Variants in CREBBP observed in about 807,000 individuals in gnomAD.
CREBBP encodes CREB-binding protein.
CREBBP carries 19 observed loss-of-function variants against 265.0 expected under a neutral mutation model. That is an observed-to-expected ratio of 0.07 (90% CI 0.05 to 0.11). The LOEUF is 0.11. Ranked by LOEUF, CREBBP falls within the 10% of genes least tolerant of loss-of-function variation. CREBBP has a pLI of 1.00. For synonymous variants in CREBBP, 1,457 were observed against 1,223.7 expected (o/e 1.19, Z -3.98); for missense variants, 2,525 against 3,219.0 (o/e 0.78, Z 5.22).
intron 28 of CREBBP, among the ~76,000 whole-genome samples, chr16:3,733,240 C>T (rs1414034950): frequency 1.3e-5 from 2 of 151,614 alleles, no homozygotes; most frequent in Non-Finnish European, 2.9e-5. Flanking sequence ...CGGGTGCCTG[C>T]AGTCCCACCT....
At chr16:3,876,083 G>A (rs2055393564) in intron 1 of CREBBP, among the ~76,000 whole-genome samples, 1 of 151,994 alleles carries the variant, frequency 6.6e-6, no homozygotes, top group Admixed American at 6.6e-5. Flanking sequence ...CTGTCACCCA[G>A]GCCAGAGTGC....
chr16:3,805,832 T>C (rs1162971859), intron 3 of CREBBP, among the ~76,000 whole-genome samples: 5 of 152,164 alleles, frequency 3.3e-5, no homozygotes, highest in African/African-American at 4.8e-5. Flanking sequence ...TCAGAATCAC[T>C]AGACCAGCTC....
chr16:3,858,531 C>T (rs961500908), intron 1 of CREBBP, among the ~76,000 whole-genome samples: 11 of 152,182 alleles, frequency 7.2e-5, no homozygotes, highest in Non-Finnish European at 1.6e-4. Context: ...AAGCAGGGAT[C>T]CTGTCTTGCT....
intron 2 of CREBBP, among the ~76,000 whole-genome samples, chr16:3,816,397 A>G (rs1372241772): frequency 6.6e-6 from 1 of 152,244 alleles, no homozygotes; most frequent in Non-Finnish European, 1.5e-5. Context: ...ACTGCCCCCA[A>G]GAAAGAATGG....
intron 19 of CREBBP, among the ~76,000 whole-genome samples, chr16:3,752,529 C>G (rs540895225): frequency 1.2e-4 from 18 of 151,240 alleles, no homozygotes; most frequent in African/African-American, 4.1e-4. Context: ...ATATTCTAGA[C>G]AAACATTTAA....
chr16:3,756,893 A>G (rs2052598465), intron 19 of CREBBP, among the ~76,000 whole-genome samples: 1 of 152,224 alleles, frequency 6.6e-6, no homozygotes, highest in Admixed American at 6.5e-5. Flanking sequence ...GGGCTGAAGA[A>G]ATAACGTACC....
At chr16:3,799,137 G>A (rs896816161) in intron 3 of CREBBP, among the ~76,000 whole-genome samples, 1 of 152,208 alleles carries the variant, frequency 6.6e-6, no homozygotes, top group African/African-American at 2.4e-5. Flanking sequence ...CATGGGGGTA[G>A]AAAGACTAGC....
intron 28 of CREBBP, among the ~76,000 whole-genome samples, chr16:3,735,319 C>T (rs73493507): frequency 0.045 from 6,877 of 152,114 alleles, 382 homozygotes; most frequent in East Asian, 0.13. Flanking sequence ...TGTTCTGAAA[C>T]GGAGTCTCGC....
intron 3 of CREBBP, among the ~76,000 whole-genome samples, chr16:3,794,124 G>A (rs751508962): frequency 1.3e-4 from 20 of 151,604 alleles, no homozygotes; most frequent in Non-Finnish European, 2.8e-4. Flanking sequence ...TCAGGAGATC[G>A]GGACCACCCT....
chr16:3,751,930 T>A (rs1162688816), intron 19 of CREBBP, 124 bp from the exon 20 acceptor site: 1 of 856,108 alleles, frequency 1.2e-6, no homozygotes, highest in African/African-American at 1.7e-5. Context: ...TGTTGGTTGA[T>A]TGATGGGTCA....
chr16:3,736,913 A>G (rs2151330686), intron 26 of CREBBP, 98 bp from the exon 27 acceptor site: 1 of 1,409,860 alleles, frequency 7.1e-7, no homozygotes, highest in South Asian at 1.2e-5. Flanking sequence ...AAGCCAGGAC[A>G]GAAGTAACCA....
rs762460213 is a variant in CREBBP at position 3,749,578 on chromosome 16, C to T, written c.3836+49G>A. On this transcript the variant is annotated intron_variant, in intron 21 of 30. Coordinates refer to ENST00000262367, the MANE Select transcript of CREBBP (RefSeq NM_004380.3). ...CCCACTCCATAAGGAGTAACTTTACCGATTTCAAACCAAAACTGAAAGTAA... is the reference window on the plus strand; with the variant it reads ...CCCACTCCATAAGGAGTAACTTTACTGATTTCAAACCAAAACTGAAAGTAA... The T allele has an allele frequency of 2.2e-5, 30 of 1,357,696 alleles. 1 individual carries two copies. In the Admixed American group the frequency reaches 3.5e-4, roughly 16 times the overall value. 84.1% of individuals were successfully genotyped at this position (1,357,696 alleles called of 1,614,324 possible). A position where few individuals can be genotyped will look rare whatever the true frequency, so the allele number is the denominator to read the frequency against.
At chr16:3,759,093 G>A (rs1007605944) in intron 16 of CREBBP, 121 bp from the exon 17 acceptor site, 7 of 787,110 alleles carry the variant, frequency 8.9e-6, no homozygotes, top group Admixed American at 3.7e-5. Flanking sequence ...TAAGGCACTC[G>A]AGGGGCTCTC....
At chr16:3,744,509 C>T (rs1227759994) in intron 23 of CREBBP, among the ~76,000 whole-genome samples, 2 of 152,172 alleles carry the variant, frequency 1.3e-5, no homozygotes, top group African/African-American at 2.4e-5. Context: ...GCCAAATATT[C>T]CCTTTAAGGG....
chr16:3,861,600 T>G (rs1385439907), intron 1 of CREBBP, among the ~76,000 whole-genome samples: 7 of 147,636 alleles, frequency 4.7e-5, no homozygotes, highest in Admixed American at 2.1e-4. Flanking sequence ...TACTTTGCTT[T>G]GAAAGTTCTT....
At chr16:3,798,526 G>A (rs1045022069) in intron 3 of CREBBP, among the ~76,000 whole-genome samples, 1 of 152,230 alleles carries the variant, frequency 6.6e-6, no homozygotes, top group South Asian at 2.1e-4. Flanking sequence ...GCTCTGAACA[G>A]TTATTTATGC....
intron 2 of CREBBP, among the ~76,000 whole-genome samples, chr16:3,840,362 C>T (rs1249363107): frequency 6.6e-6 from 1 of 152,128 alleles, no homozygotes; most frequent in African/African-American, 2.4e-5. Context: ...CCAGCCCAGG[C>T]AACATAGCAA....
intron 1 of CREBBP, among the ~76,000 whole-genome samples, chr16:3,857,550 C>T (rs2054988664): frequency 6.6e-6 from 1 of 152,134 alleles, no homozygotes; most frequent in Non-Finnish European, 1.5e-5. Context: ...CCAAAGTGTC[C>T]CAACACATGG....
At chr16:3,835,471 ACCT>A (rs1412878485) in intron 2 of CREBBP, among the ~76,000 whole-genome samples, 1 of 152,060 alleles carries the variant, frequency 6.6e-6, no homozygotes, top group East Asian at 1.9e-4. Flanking sequence ...AGAAACAGAC[ACCT>A]CCTTGTACAG....
Sources: gnomAD v4.1 joint callset for allele counts (sites outside exome capture counted in the v4.1 genomes callset) on GRCh38, gnomAD v4.1.1 for gene constraint, MANE v1.5 for transcripts, NCBI Gene and HGNC (gene_info 2026-07-23, HGNC 2026-07-21) for gene names.